Variants in TYW1B observed in about 807,000 individuals in gnomAD.
The protein encoded by TYW1B is tRNA-yW synthesizing protein 1 homolog B.
A neutral mutation model predicts 86.9 loss-of-function variants in TYW1B; 73 were observed. The ratio of observed to expected loss-of-function variants is 0.84; its 90% CI spans 0.70 to 1.02. TYW1B has a LOEUF of 1.02. TYW1B is among the 50% of genes least tolerant of loss of function. The probability of loss-of-function intolerance (pLI) is 0.00; values close to 1 mark genes in which losing one functional copy is unlikely to be tolerated. For missense variants in TYW1B, 637 were observed against 827.4 expected (o/e 0.77, Z 2.82); for synonymous variants, 248 against 292.8 (o/e 0.85, Z 1.56).
chr7:72,632,337 G>GTA (rs1183826001), intron 11 of TYW1B, among the ~76,000 whole-genome samples: 1 of 88,988 alleles, frequency 1.1e-5, no homozygotes, highest in African/African-American at 5.3e-5. Flanking sequence ...ATATATACAC[G>GTA]TATATATATT....
chr7:72,631,563 GAAGAATTTCTACT>G (rs1812492890), intron 11 of TYW1B, among the ~76,000 whole-genome samples: 1 of 152,036 alleles, frequency 6.6e-6, no homozygotes, highest in Admixed American at 6.6e-5. Context: ...TGGACTAACA[GAAGAATTTCTACT>G]CTTTCTTAAA....
intron 13 of TYW1B, among the ~76,000 whole-genome samples, chr7:72,583,299 G>A (rs1361473674): frequency 4.6e-5 from 7 of 152,272 alleles, no homozygotes; most frequent in Admixed American, 1.3e-4. Context: ...GCAGTGAGCC[G>A]AGATCGTGCC....
In TYW1B at chr7:72,574,649, T is replaced by C. The variant is rs1810977638; in HGVS notation, c.*849A>G. On this transcript the variant is annotated 3_prime_UTR_variant, in exon 14 of 14. Transcript: ENST00000620995. The stretch of plus-strand genomic sequence containing the variant: ...CCTGAACCTTATAGAACAGATTGTG[T>C]AAAGCAGCGAGGGCCACAGGAGTCA... The C allele has an allele frequency of 1.0e-6, 1 of 985,324 alleles. No individual in the cohort carries two copies. Among genetic ancestry groups the C allele is most frequent in the African/African-American group, 1.7e-5 (1 of 57,248 alleles). The allele number at this position is 985,324 out of a possible 1,614,324, so 61.0% of individuals were successfully genotyped here.
At chr7:72,643,013 A>G (rs1351585579) in intron 11 of TYW1B, among the ~76,000 whole-genome samples, 1 of 152,236 alleles carries the variant, frequency 6.6e-6, no homozygotes, top group African/African-American at 2.4e-5. Flanking sequence ...AATAATCCAC[A>G]TGATCACACT....
chr7:72,738,915 A>AT (rs1554461551), intron 8 of TYW1B, among the ~76,000 whole-genome samples: 1 of 149,820 alleles, frequency 6.7e-6, no homozygotes, highest in African/African-American at 2.5e-5. Flanking sequence ...TATCAAAAAA[A>AT]AAAAAAAATA....
intron 6 of TYW1B, among the ~76,000 whole-genome samples, chr7:72,783,120 C>T (rs1344734232): frequency 2.6e-5 from 4 of 152,096 alleles, no homozygotes; most frequent in Non-Finnish European, 5.9e-5. Context: ...AAACTCAGGT[C>T]GGACGTGGTG....
Position 72,616,688 on chromosome 7 carries a change from A to G in TYW1B, c.1769T>C (p.Leu590Pro). The G allele has an allele frequency of 6.2e-7, 1 of 1,614,154 alleles. No homozygotes were observed. Among genetic ancestry groups the G allele is most frequent in the Non-Finnish European group, 8.5e-7 (1 of 1,179,986 alleles). ...ACEHEHSNCLLIAHRKFKIGG... is the reference protein window; with the variant it reads ...ACEHEHSNCLPIAHRKFKIGG... ...TATTCTTACCTTTCTGTGTGCTATC[A>G]GGAGGCAATTAGAGTGTTCGTGTTC... is the stretch of plus-strand genomic sequence containing the variant. The change falls in exon 13 of 14, where the codon CTG (leucine) becomes CCG (proline). Residue 590 changes from leucine to proline, a missense_variant. Physicochemically the swap from Leu to Pro is moderately conservative, Grantham distance 98. Coordinates refer to ENST00000620995, the MANE Select transcript of TYW1B (RefSeq NM_001145440.3).
At chr7:72,587,419 A>G (rs1811300330) in intron 13 of TYW1B, among the ~76,000 whole-genome samples, 1 of 152,110 alleles carries the variant, frequency 6.6e-6, no homozygotes, top group African/African-American at 2.4e-5. Flanking sequence ...GCATTCAGGG[A>G]GCAGAGTTTT....
At chr7:72,723,921 C>G (rs1267207480) in intron 9 of TYW1B, among the ~76,000 whole-genome samples, 2 of 150,814 alleles carry the variant, frequency 1.3e-5, no homozygotes, top group African/African-American at 4.9e-5. Flanking sequence ...GTGTTACAGA[C>G]TACCACCAGT....
intron 12 of TYW1B, among the ~76,000 whole-genome samples, chr7:72,619,690 G>A (rs1256189679): frequency 2.0e-5 from 3 of 150,838 alleles, no homozygotes; most frequent in Non-Finnish European, 2.9e-5. Flanking sequence ...AAGCATGGCT[G>A]AAAAACTGCT....
At chr7:72,628,035 T>C (rs1354114793) in intron 12 of TYW1B, among the ~76,000 whole-genome samples, 2 of 152,200 alleles carry the variant, frequency 1.3e-5, no homozygotes, top group Non-Finnish European at 1.5e-5. Flanking sequence ...CTCACACCTA[T>C]AATCCCAGCA....
chr7:72,585,655 T>C (rs1422860288), intron 13 of TYW1B, among the ~76,000 whole-genome samples: 2 of 152,128 alleles, frequency 1.3e-5, no homozygotes, highest in African/African-American at 4.8e-5. Flanking sequence ...TCTCACAAGA[T>C]CTGATGGTTT....
intron 9 of TYW1B, among the ~76,000 whole-genome samples, chr7:72,718,119 T>C (rs1173823027): frequency 6.6e-6 from 1 of 152,118 alleles, no homozygotes; most frequent in Non-Finnish European, 1.5e-5. Context: ...ATGGTACATA[T>C]ACACCATGGA....
intron 10 of TYW1B, among the ~76,000 whole-genome samples, chr7:72,712,620 G>A (rs554970156): frequency 1.2e-4 from 19 of 152,166 alleles, no homozygotes; most frequent in Non-Finnish European, 2.6e-4. Flanking sequence ...GAGCCACCGC[G>A]CCTGGCTTAA....
chr7:72,652,606 G>C (rs144068530), intron 11 of TYW1B, among the ~76,000 whole-genome samples: 10,088 of 152,008 alleles, frequency 0.066, 486 homozygotes, highest in African/African-American at 0.14. Flanking sequence ...TGCCTTTGGA[G>C]TGCTAGTTAT....
At chr7:72,579,575 G>T (rs1248639964) in intron 13 of TYW1B, among the ~76,000 whole-genome samples, 6 of 152,086 alleles carry the variant, frequency 3.9e-5, no homozygotes, top group Non-Finnish European at 7.4e-5. Context: ...TTCTTGCTTT[G>T]TCCCACATGG....
chr7:72,712,028 T>C (rs1202768374), intron 10 of TYW1B, among the ~76,000 whole-genome samples: 6 of 152,030 alleles, frequency 3.9e-5, no homozygotes, highest in Non-Finnish European at 8.8e-5. Context: ...ATAATAGTTT[T>C]GGTGTTACAG....
chr7:72,685,948 A>C (rs1326795787), intron 11 of TYW1B, among the ~76,000 whole-genome samples: 1 of 152,226 alleles, frequency 6.6e-6, no homozygotes, highest in Non-Finnish European at 1.5e-5. Context: ...AACAATAAGA[A>C]AATGAACAAC....
Position 72,711,473 on chromosome 7 carries a change from C to CTTTTTTTTT in TYW1B, c.1370+2139_1370+2147dup, listed in dbSNP as rs59438928. On this transcript the variant is annotated intron_variant, in intron 10 of 13. Transcript: ENST00000620995. ...CTTCGTGTTTCTCTCCTCTTTAATTCTTTTTTTTTTTTTTTTTTTTTTTTT... is the reference window on the plus strand; with the variant it reads ...CTTCGTGTTTCTCTCCTCTTTAATTCTTTTTTTTTTTTTTTTTTTTTTTTTTTTTTTTTT... Among the ~76,000 whole-genome samples, 88 of 56,972 alleles carry CTTTTTTTTT rather than the reference C, an allele frequency of 1.5e-3. 18 individuals are homozygous for CTTTTTTTTT. The highest frequency in any genetic ancestry group is 2.6e-3 in the East Asian group (4 of 1,566). The allele number at this position is 56,972 out of a possible 152,430, so 37.4% of individuals were successfully genotyped here.
Sources: gnomAD v4.1 joint callset for allele counts (sites outside exome capture counted in the v4.1 genomes callset) on GRCh38, gnomAD v4.1.1 for gene constraint, MANE v1.5 for transcripts, NCBI Gene and HGNC (gene_info 2026-07-23, HGNC 2026-07-21) for gene names.